The following CNTN5 variants were observed in gnomAD, a reference collection of about 807,000 sequenced individuals.
CNTN5 encodes contactin 5.
Under a neutral mutation model 129.1 loss-of-function variants are expected in CNTN5, and 77 were observed. The observed-to-expected ratio is 0.60, with a 90% confidence interval of 0.50 to 0.72. The LOEUF is 0.72. Among genes scored for constraint, CNTN5 ranks in the 30% least tolerant of loss-of-function variants. The pLI is 0.00. For synonymous variants in CNTN5, 509 were observed against 465.6 expected, an observed-to-expected ratio of 1.09 and a Z score of -1.20; for missense variants, 1,478 against 1,328.8, an observed-to-expected ratio of 1.11 and a Z score of -1.75.
chr11:99,649,359 T>G (rs2135874162), intron 3 of CNTN5, among the ~76,000 whole-genome samples: 1 of 151,874 alleles, frequency 6.6e-6, no homozygotes, highest in South Asian at 2.1e-4. Flanking sequence ...ACTGAAATTC[T>G]GAAACAAGAG....
intron 2 of CNTN5, among the ~76,000 whole-genome samples, chr11:99,348,870 A>G (rs1231546514): frequency 6.6e-6 from 1 of 152,210 alleles, no homozygotes; most frequent in East Asian, 1.9e-4. Flanking sequence ...TAAGTGCTCC[A>G]TGTGTTCAAT....
At chr11:99,129,919 A>G (rs1858846090) in intron 1 of CNTN5, among the ~76,000 whole-genome samples, 1 of 152,188 alleles carries the variant, frequency 6.6e-6, no homozygotes, top group Admixed American at 6.5e-5. Flanking sequence ...ATGCTGAGGG[A>G]CTTCATCACC....
intron 3 of CNTN5, among the ~76,000 whole-genome samples, chr11:99,804,036 G>T (rs1394140762): frequency 6.6e-6 from 1 of 151,924 alleles, no homozygotes; most frequent in African/African-American, 2.4e-5. Context: ...TTGTTTGTTT[G>T]TTTTATAAAA....
intron 15 of CNTN5, among the ~76,000 whole-genome samples, chr11:100,204,295 CTAATATATATATATATATATATATATAT>C (rs1222243064): frequency 6.5e-4 from 18 of 27,708 alleles, no homozygotes; most frequent in South Asian, 1.3e-3. Flanking sequence ...CAAACATTGA[CTAATATATATATATATATATATATATAT>C]ATATATATAT....
At chr11:99,102,375 C>A (rs1013695288) in intron 1 of CNTN5, among the ~76,000 whole-genome samples, 4 of 152,132 alleles carry the variant, frequency 2.6e-5, no homozygotes, top group African/African-American at 9.7e-5. Context: ...GCTTGAATTT[C>A]TCTTATAAAA....
At chr11:99,138,314 T>C (rs182958586) in intron 1 of CNTN5, among the ~76,000 whole-genome samples, 13 of 152,276 alleles carry the variant, frequency 8.5e-5, no homozygotes, top group Non-Finnish European at 1.5e-4. Context: ...TAAATCGTCC[T>C]ATATGGATGA....
intron 2 of CNTN5, among the ~76,000 whole-genome samples, chr11:99,406,763 A>C (rs1464224357): frequency 6.6e-6 from 1 of 152,218 alleles, no homozygotes; most frequent in Non-Finnish European, 1.5e-5. Context: ...CATTCAGATC[A>C]TAAGACACAG....
At chr11:99,948,741 C>T (rs112442714) in intron 7 of CNTN5, among the ~76,000 whole-genome samples, 102 of 152,272 alleles carry the variant, frequency 6.7e-4, no homozygotes, top group Non-Finnish European at 1.4e-3. Flanking sequence ...GAGCACACTG[C>T]CTGGCACATT....
chr11:99,051,063 C>T (rs899649726), intron 1 of CNTN5, among the ~76,000 whole-genome samples: 7 of 151,838 alleles, frequency 4.6e-5, no homozygotes. Flanking sequence ...CATCAATTAA[C>T]ATGGCCAAAT....
intron 3 of CNTN5, among the ~76,000 whole-genome samples, chr11:99,632,067 G>C (rs1342996246): frequency 6.6e-6 from 1 of 152,058 alleles, no homozygotes; most frequent in Admixed American, 6.6e-5. Flanking sequence ...TGCATCCATG[G>C]TTTCAGGTAT....
chr11:99,616,873 G>A (rs1950775463), intron 3 of CNTN5, among the ~76,000 whole-genome samples: 1 of 152,238 alleles, frequency 6.6e-6, no homozygotes, highest in Non-Finnish European at 1.5e-5. Context: ...CACTTTGGGA[G>A]GCCGAGGCGG....
At chr11:99,667,413 T>G (rs17134170) in intron 3 of CNTN5, among the ~76,000 whole-genome samples, 3,186 of 152,262 alleles carry the variant, frequency 0.021, 121 homozygotes, top group African/African-American at 0.073. Context: ...TGACTTTTAA[T>G]ACAAATTGCT....
chr11:99,911,765 T>C (rs974742518), intron 6 of CNTN5, among the ~76,000 whole-genome samples: 3 of 151,756 alleles, frequency 2.0e-5, no homozygotes, highest in African/African-American at 4.8e-5. Flanking sequence ...AAAATAACTT[T>C]CTGAGTAGTT....
At chr11:99,493,386 G>T (rs112090159) in intron 2 of CNTN5, among the ~76,000 whole-genome samples, 6,231 of 152,246 alleles carry the variant, frequency 0.041, 173 homozygotes, top group South Asian at 0.084. Flanking sequence ...TGCACCCAAC[G>T]AACAACTCCA....
At chr11:100,217,720 A>G (rs1949171270) in intron 15 of CNTN5, among the ~76,000 whole-genome samples, 1 of 152,210 alleles carries the variant, frequency 6.6e-6, no homozygotes, top group Admixed American at 6.5e-5. Context: ...AATTGCTAAA[A>G]TCTTCTTACC....
At chr11:99,881,042 T>A (rs1261774401) in intron 6 of CNTN5, among the ~76,000 whole-genome samples, 3 of 152,180 alleles carry the variant, frequency 2.0e-5, no homozygotes, top group Non-Finnish European at 4.4e-5. Context: ...GCAAACTAGT[T>A]TCAATTAAAA....
At chr11:99,786,097 T>C (rs1362302903) in intron 3 of CNTN5, among the ~76,000 whole-genome samples, 1 of 152,118 alleles carries the variant, frequency 6.6e-6, no homozygotes, top group Non-Finnish European at 1.5e-5. Context: ...ATTGTATCTT[T>C]AGAAAACCCC....
At chr11:99,853,119 A>G (rs529137183) in intron 6 of CNTN5, among the ~76,000 whole-genome samples, 6 of 152,112 alleles carry the variant, frequency 3.9e-5, no homozygotes, top group African/African-American at 1.4e-4. Context: ...ATTTCATTCC[A>G]CAGTAAAATA....
chr11:99,964,794 T>G (rs1254424616), intron 8 of CNTN5, among the ~76,000 whole-genome samples: 1 of 151,938 alleles, frequency 6.6e-6, no homozygotes, highest in Non-Finnish European at 1.5e-5. Context: ...GGTCCTGGAC[T>G]TTTTTTTGGT....
Sources: gnomAD v4.1 joint callset for allele counts (sites outside exome capture counted in the v4.1 genomes callset) on GRCh38, gnomAD v4.1.1 for gene constraint, MANE v1.5 for transcripts, NCBI Gene and HGNC (gene_info 2026-07-23, HGNC 2026-07-21) for gene names.